Variants in LRRIQ3 observed in about 807,000 individuals in gnomAD.
LRRIQ3 encodes leucine rich repeats and IQ motif containing 3.
A neutral mutation model predicts 59.3 loss-of-function variants in LRRIQ3; 75 were observed. The observed-to-expected ratio is 1.26, with a 90% CI of 1.05 to 1.53. The LOEUF is 1.53. Ranked by LOEUF, LRRIQ3 falls within the 40% of genes most tolerant of loss-of-function variation. The pLI, the probability that LRRIQ3 is intolerant of heterozygous loss-of-function variation, is 0.00. For synonymous variants in LRRIQ3, 250 were observed against 231.3 expected (o/e 1.08, Z -0.73); for missense variants, 831 against 710.0 (o/e 1.17, Z -1.94).
chr1:74,092,378 G>A (rs1284740567), intron 5 of LRRIQ3, among the ~76,000 whole-genome samples: 1 of 152,030 alleles, frequency 6.6e-6, no homozygotes, highest in Admixed American at 6.6e-5. Context: ...CAATATGGTA[G>A]CTGGAAGTGG....
intron 6 of LRRIQ3, among the ~76,000 whole-genome samples, chr1:74,067,169 T>C (rs1654890149): frequency 6.6e-6 from 1 of 152,102 alleles, no homozygotes; most frequent in African/African-American, 2.4e-5. Flanking sequence ...GTGTGCAGTA[T>C]CTCTCAATCA....
At chr1:74,085,717 G>A (rs955762629) in intron 5 of LRRIQ3, among the ~76,000 whole-genome samples, 1 of 151,954 alleles carries the variant, frequency 6.6e-6, no homozygotes. Context: ...GGCTTTTAGT[G>A]CCTACTTTAA....
chr1:74,064,908 A>C (rs1654826243), intron 6 of LRRIQ3, among the ~76,000 whole-genome samples: 1 of 151,984 alleles, frequency 6.6e-6, no homozygotes, highest in South Asian at 2.1e-4. Context: ...TCTGGATGGA[A>C]ATATTTTTGT....
In LRRIQ3 at chr1:74,041,693, G is replaced by A. The variant is rs1388377613; in HGVS notation, c.1238C>T (p.Ala413Val). 3 of 1,613,440 alleles carry A rather than the reference G, an allele frequency of 1.9e-6. No homozygotes were observed. Among genetic ancestry groups the A allele is most frequent in the Non-Finnish European group, 2.5e-6 (3 of 1,179,748 alleles). Reference protein sequence around the residue: ...SMKEFFAPQRAGMKLRTFSDI... With the variant: ...SMKEFFAPQRVGMKLRTFSDI... ...ACTAAATGTTCGGAGTTTCATACCAGCTCTTTGTGGTGCAAAAAACTCTTT... is the reference window on the plus strand; with the variant it reads ...ACTAAATGTTCGGAGTTTCATACCAACTCTTTGTGGTGCAAAAAACTCTTT... The change falls in exon 7 of 8, where the codon GCT (alanine) becomes GTT (valine). Residue 413 changes from alanine (A) to valine (V), a missense_variant. Coordinates refer to ENST00000354431, the MANE Select transcript of LRRIQ3 (RefSeq NM_001105659.2).
At chr1:74,079,107 G>A (rs1646242863) in intron 5 of LRRIQ3, among the ~76,000 whole-genome samples, 2 of 151,534 alleles carry the variant, frequency 1.3e-5, no homozygotes, top group African/African-American at 4.8e-5. Context: ...CCTTCACCAT[G>A]GCTTTTATAA....
chr1:74,168,419 A>T (rs1023305154), intron 3 of LRRIQ3, among the ~76,000 whole-genome samples: 2 of 151,962 alleles, frequency 1.3e-5, no homozygotes, highest in Non-Finnish European at 2.9e-5. Flanking sequence ...CTTTTAACTA[A>T]TTTTTGTATG....
chr1:74,144,549 T>TAAAA (rs5775227), intron 4 of LRRIQ3: 10 of 140,132 alleles, frequency 7.1e-5, no homozygotes, highest in South Asian at 2.1e-4. Context: ...TAACAGTCTG[T>TAAAA]AAAAAAAAAA....
chr1:74,139,019 A>C (rs1348273988), intron 4 of LRRIQ3, among the ~76,000 whole-genome samples: 1 of 151,312 alleles, frequency 6.6e-6, no homozygotes, highest in Non-Finnish European at 1.5e-5. Context: ...ACAAAAAATA[A>C]AGAAATAAAA....
intron 1 of LRRIQ3, among the ~76,000 whole-genome samples, chr1:74,189,318 A>G (rs1391858012): frequency 1.3e-5 from 2 of 152,182 alleles, no homozygotes; most frequent in Non-Finnish European, 2.9e-5. Flanking sequence ...CCTCAGCCAC[A>G]TTCTACTGGT....
chr1:74,117,146 A>C (rs912515422), intron 4 of LRRIQ3, among the ~76,000 whole-genome samples: 5 of 152,196 alleles, frequency 3.3e-5, no homozygotes, highest in African/African-American at 1.2e-4. Flanking sequence ...GAAGTTATCC[A>C]GAACTGATGA....
intron 5 of LRRIQ3, among the ~76,000 whole-genome samples, chr1:74,099,381 C>T (rs1468239146): frequency 6.6e-6 from 1 of 152,066 alleles, no homozygotes; most frequent in East Asian, 1.9e-4. Context: ...CTGAATAGAC[C>T]AATAACAGGC....
chr1:74,147,395 G>T (rs1356714872), intron 4 of LRRIQ3, among the ~76,000 whole-genome samples: 1 of 152,080 alleles, frequency 6.6e-6, no homozygotes, highest in Non-Finnish European at 1.5e-5. Flanking sequence ...AACCATGAAA[G>T]ATTCTAACTC....
rs544151543 is a variant in LRRIQ3, at chr1:74,140,213, T to G, written c.707+15520A>C. On this transcript the variant is annotated intron_variant, in intron 4 of 7. Coordinates refer to ENST00000354431, the MANE Select transcript of LRRIQ3 (RefSeq NM_001105659.2). ...AGATAAAGATAAATATACAGAAATA[T>G]TATAACCAAATGGATAGAAAATAAA... Among the ~76,000 whole-genome samples the G allele has an allele frequency of 6.6e-5, 10 of 151,888 alleles. No homozygotes were observed. In the South Asian group the frequency reaches 1.7e-3, roughly 25 times the overall value.
intron 4 of LRRIQ3, among the ~76,000 whole-genome samples, chr1:74,135,883 A>T (rs929163783): frequency 6.6e-6 from 1 of 151,862 alleles, no homozygotes; most frequent in African/African-American, 2.4e-5. Context: ...GCAAGATTGA[A>T]GGAATAAATA....
At chr1:74,109,233 A>G (rs998565002) in intron 5 of LRRIQ3, 161 bp downstream of exon 5, 6 of 606,768 alleles carry the variant, frequency 9.9e-6, no homozygotes, top group East Asian at 9.5e-5. Flanking sequence ...TTTGTATTAC[A>G]TTACTATATA....
chr1:74,043,428 G>A (rs975072485), intron 6 of LRRIQ3, among the ~76,000 whole-genome samples: 18 of 152,180 alleles, frequency 1.2e-4, no homozygotes, highest in East Asian at 7.7e-4. Flanking sequence ...AGATTTTCAC[G>A]AAAGGCTACA....
At chr1:74,128,694 T>C (rs755835924) in intron 4 of LRRIQ3, among the ~76,000 whole-genome samples, 1 of 152,056 alleles carries the variant, frequency 6.6e-6, no homozygotes, top group Non-Finnish European at 1.5e-5. Flanking sequence ...GAATTGGGTA[T>C]TTATTGGACT....
At chr1:74,166,489 C>T (rs1014773674) in intron 3 of LRRIQ3, among the ~76,000 whole-genome samples, 1 of 151,686 alleles carries the variant, frequency 6.6e-6, no homozygotes, top group Non-Finnish European at 1.5e-5. Context: ...TTTCAAAGAA[C>T]CAGATGCTTG....
chr1:74,118,176 T>TACAC (rs112393915), intron 4 of LRRIQ3, among the ~76,000 whole-genome samples: 1 of 151,696 alleles, frequency 6.6e-6, no homozygotes, highest in Admixed American at 6.6e-5. Context: ...TAAAATTGTA[T>TACAC]ACACACACAC....
Sources: allele counts gnomAD v4.1 joint callset (sites outside exome capture counted in the v4.1 genomes callset), GRCh38; gene constraint gnomAD v4.1.1; transcripts MANE v1.5; gene names NCBI Gene and HGNC (gene_info 2026-07-23, HGNC 2026-07-21).